CEP57L1: variants seen among roughly 807,000 people sequenced by gnomAD.
CEP57L1 encodes centrosomal protein CEP57L1.
A neutral mutation model predicts 61.0 loss-of-function variants in CEP57L1; 37 were observed. The observed-to-expected ratio is 0.61, with a 90% CI of 0.47 to 0.80. CEP57L1 has a LOEUF of 0.80. Ranked by LOEUF, CEP57L1 falls within the 30% of genes least tolerant of loss-of-function variation. CEP57L1 has a pLI of 0.00. For missense variants in CEP57L1, 422 were observed against 524.7 expected (o/e 0.80, Z 1.91); for synonymous variants, 137 against 162.3 (o/e 0.84, Z 1.19).
chr6:109,137,566 C>T (rs952741548), intron 1 of CEP57L1, among the ~76,000 whole-genome samples: 2 of 152,186 alleles, frequency 1.3e-5, no homozygotes, highest in African/African-American at 4.8e-5. Flanking sequence ...TCCCAAAGTG[C>T]TGGGATTACA....
chr6:109,165,177 T>G lies in CEP57L1; in HGVS notation c.*2207T>G, dbSNP rs573298965. 2.0e-4 allele frequency among the ~76,000 whole-genome samples: 30 copies of G among 152,176 alleles called. No homozygotes were observed. In the Middle Eastern group the frequency reaches 0.021, roughly 104 times the overall value. On this transcript the variant is annotated 3_prime_UTR_variant, in exon 11 of 11. Transcript: ENST00000517392. ...CAGTGTAGTAGAAAAAACCACAACT[T>G]CAGAGCTAGGAAACTTGGTTTCAAA...
Position 109,150,157 on chromosome 6 carries a change from C to T in CEP57L1, c.380C>T (p.Thr127Ile), listed in dbSNP as rs754019578. ...IQLSSAQSRC[T>I]LLEKQLEYTK... The stretch of plus-strand genomic sequence containing the variant: ...TTAAGCTCAGCCCAGTCTCGTTGTA[C>T]TCTTCTAGAGAAGCAACTAGAATAT... Residue 127 changes from threonine to isoleucine, a missense_variant, in exon 4 of 11, where the codon ACT (threonine) becomes ATT (isoleucine). Physicochemically the swap from Thr to Ile is moderately conservative, Grantham distance 89. Coordinates refer to ENST00000517392, the MANE Select transcript of CEP57L1 (RefSeq NM_001271852.3). 1 of 1,609,074 alleles carries T rather than the reference C, an allele frequency of 6.2e-7. No individual in the cohort carries two copies. The highest frequency in any genetic ancestry group is 2.2e-5 in the East Asian group (1 of 44,748).
At chr6:109,144,981 C>G (rs1040784350) in intron 1 of CEP57L1, among the ~76,000 whole-genome samples, 2 of 151,968 alleles carry the variant, frequency 1.3e-5, no homozygotes, top group African/African-American at 4.8e-5. Context: ...GATGCTTACT[C>G]CAGGGTATAT....
At chr6:109,104,248 A>G (rs915813190) in intron 1 of CEP57L1, among the ~76,000 whole-genome samples, 20 of 152,172 alleles carry the variant, frequency 1.3e-4, no homozygotes, top group African/African-American at 3.9e-4. Context: ...TAGCTGGTGT[A>G]TAGTGTTTCA....
intron 1 of CEP57L1, among the ~76,000 whole-genome samples, chr6:109,100,866 G>A (rs932343854): frequency 1.3e-5 from 2 of 152,190 alleles, no homozygotes; most frequent in South Asian, 4.1e-4. Flanking sequence ...CAGCACTTTG[G>A]GAGGCTGAGG....
chr6:109,162,632 A>T, intron 10 of CEP57L1, 117 bp from the exon 11 acceptor site: 1 of 683,920 alleles, frequency 1.5e-6, no homozygotes, highest in East Asian at 2.7e-5. Flanking sequence ...AATGAATTGA[A>T]TTTTTTAATG....
At chr6:109,109,432 TC>T (rs1771317249) in intron 1 of CEP57L1, among the ~76,000 whole-genome samples, 1 of 152,190 alleles carries the variant, frequency 6.6e-6, no homozygotes, top group Non-Finnish European at 1.5e-5. Flanking sequence ...TCAATTAACA[TC>T]CTTTGAAACC....
Position 109,153,953 on chromosome 6 carries a change from A to G in CEP57L1, c.579+4A>G. On this transcript the variant is annotated splice_donor_region_variant and intron_variant, in intron 5 of 10. Coordinates refer to ENST00000517392, the MANE Select transcript of CEP57L1 (RefSeq NM_001271852.3). ...AACAACTCAGAAAACTGCTGAGGTA[A>G]GCTTTCTTTGAAGTGATGACAACAG... 1.3e-6 allele frequency: 2 copies of G among 1,489,980 alleles called. No homozygotes were observed. The highest frequency in any genetic ancestry group is 1.8e-5 in the Admixed American group (1 of 55,644). 92.3% of individuals were successfully genotyped at this position (1,489,980 alleles called of 1,614,324 possible).
At chr6:109,099,711 G>A (rs1372667783) in intron 1 of CEP57L1, among the ~76,000 whole-genome samples, 3 of 151,912 alleles carry the variant, frequency 2.0e-5, no homozygotes, top group East Asian at 1.9e-4. Flanking sequence ...CACCATGCCC[G>A]GCTAATTTTT....
In CEP57L1 at chr6:109,162,923, A is replaced by C; in HGVS notation, c.1336A>C (p.Asn446His). The part of the protein sequence containing the change: ...NSSFHPIRVH[N>H]LQMKLRRDDI... ...CAGCTTTCATCCAATACGAGTTCAT[A>C]ATCTTCAAATGAAATTGAGAAGAGA... is the stretch of plus-strand genomic sequence containing the variant. Residue 446 changes from asparagine (N) to histidine (H), a missense_variant, in exon 11 of 11, where the codon AAT becomes CAT. Coordinates refer to ENST00000517392, the MANE Select transcript of CEP57L1 (RefSeq NM_001271852.3). 6.2e-7 allele frequency: 1 copy of C among 1,613,060 alleles called. No homozygotes were observed. Among genetic ancestry groups the C allele is most frequent in the Non-Finnish European group, 8.5e-7 (1 of 1,179,340 alleles).
At chr6:109,153,644 A>G (rs570650373) in intron 4 of CEP57L1, among the ~76,000 whole-genome samples, 189 bp from the exon 5 acceptor site, 6 of 152,186 alleles carry the variant, frequency 3.9e-5, no homozygotes, top group African/African-American at 1.4e-4. Context: ...GTTGAAAAAA[A>G]TAAATAACAA....
At chr6:109,141,936 T>G (rs890253680) in intron 1 of CEP57L1, among the ~76,000 whole-genome samples, 1 of 151,746 alleles carries the variant, frequency 6.6e-6, no homozygotes, top group Non-Finnish European at 1.5e-5. Context: ...CAGAGATTCC[T>G]TTATTTCAAA....
chr6:109,096,574 T>C lies in CEP57L1; in HGVS notation c.-4+999T>C, dbSNP rs574129198. Among the ~76,000 whole-genome samples, 6 of 152,330 alleles carry C rather than the reference T, an allele frequency of 3.9e-5. No individual in the cohort carries two copies. In the East Asian group the frequency reaches 1.2e-3, roughly 29 times the overall value. The stretch of plus-strand genomic sequence containing the variant: ...GGACGGGAAGGGTGCTTTTTGTGTA[T>C]TGATGCACTTAGAAGCTACAAAGAG... On this transcript the variant is annotated intron_variant, in intron 1 of 10. Coordinates refer to ENST00000517392, the MANE Select transcript of CEP57L1 (RefSeq NM_001271852.3).
intron 1 of CEP57L1, among the ~76,000 whole-genome samples, chr6:109,096,713 A>G (rs1437539199): frequency 6.6e-6 from 1 of 152,232 alleles, no homozygotes; most frequent in Non-Finnish European, 1.5e-5. Flanking sequence ...TGACACTTCT[A>G]GTTTGAATCT....
In CEP57L1 at chr6:109,167,848, A is replaced by G. The variant is rs1046138589; in HGVS notation, c.*4878A>G. ...AAGAGTTCTTTATTTGGATATTGGT[A>G]TGTTTGACTTGTTCATCAGTGAGTA... On this transcript the variant is annotated 3_prime_UTR_variant, in exon 11 of 11. Coordinates refer to ENST00000517392, the MANE Select transcript of CEP57L1 (RefSeq NM_001271852.3). Among the ~76,000 whole-genome samples, 1 of 152,312 alleles carries G rather than the reference A, an allele frequency of 6.6e-6. No individual in the cohort carries two copies. The highest frequency in any genetic ancestry group is 6.5e-5 in the Admixed American group (1 of 15,298).
At chr6:109,153,689 C>A in intron 4 of CEP57L1, 144 bp from the exon 5 acceptor site, 1 of 608,880 alleles carries the variant, frequency 1.6e-6, no homozygotes, top group Admixed American at 3.0e-5. Context: ...TGCTTGTAAG[C>A]ATCTAAAGTA....
chr6:109,128,778 TA>T (rs769795044), intron 1 of CEP57L1, among the ~76,000 whole-genome samples: 8 of 152,238 alleles, frequency 5.3e-5, no homozygotes, highest in Non-Finnish European at 1.2e-4. Context: ...CTGTCTTCAC[TA>T]ATGGTATATT....
At chr6:109,152,645 G>A (rs981976479) in intron 4 of CEP57L1, among the ~76,000 whole-genome samples, 3 of 1,588 alleles carry the variant, frequency 1.9e-3, no homozygotes, top group Non-Finnish European at 0.012. Flanking sequence ...GCGTGTGTGT[G>A]TGTGTGTGTG....
At chr6:109,151,699 T>C (rs538694151) in intron 4 of CEP57L1, among the ~76,000 whole-genome samples, 1 of 152,328 alleles carries the variant, frequency 6.6e-6, no homozygotes, top group Non-Finnish European at 1.5e-5. Flanking sequence ...ATCAGAATGC[T>C]AAGTATTGTC....
Sources: allele counts gnomAD v4.1 joint callset (sites outside exome capture counted in the v4.1 genomes callset), GRCh38; gene constraint gnomAD v4.1.1; transcripts MANE v1.5; gene names NCBI Gene and HGNC (gene_info 2026-07-23, HGNC 2026-07-21).